The following NECAP2 variants were observed in gnomAD, a reference collection of about 807,000 sequenced individuals.
NECAP2 encodes the protein adaptin ear-binding coat-associated protein 2.
NECAP2 carries 38 observed loss-of-function variants against 37.8 expected under a neutral mutation model. The ratio of observed to expected loss-of-function variants is 1.01; its 90% CI spans 0.78 to 1.32. The LOEUF is 1.32. NECAP2 is among the 40% of genes most tolerant of loss of function. The pLI is 0.00. For missense variants in NECAP2, 316 were observed against 334.5 expected (o/e 0.94, Z 0.43); for synonymous variants, 121 against 127.7 (o/e 0.95, Z 0.35).
chr1:16,458,816 C>A, intron 7 of NECAP2, 26 bp from the exon 8 acceptor site: 1 of 1,612,526 alleles, frequency 6.2e-7, no homozygotes, highest in African/African-American at 1.3e-5. Flanking sequence ...TGAACTCCCC[C>A]ACCCTTCCCT....
At chr1:16,448,227 TTG>T in intron 4 of NECAP2, 86 bp downstream of exon 4, 1 of 1,307,682 alleles carries the variant, frequency 7.6e-7, no homozygotes, top group Non-Finnish European at 1.1e-6. Flanking sequence ...ACCCAAGTGT[TTG>T]TGTGTGATTT....
rs2086980486 is a variant in NECAP2 at position 16,459,447 on chromosome 1, T to C, written c.*557T>C. The C allele has an allele frequency of 6.5e-6, 1 of 152,790 alleles. No homozygotes were observed. The highest frequency in any genetic ancestry group is 1.5e-5 in the Non-Finnish European group (1 of 68,484). The allele number at this position is 152,790 out of a possible 1,614,324, so 9.5% of individuals were successfully genotyped here. ...TGGAAGGATTAGCAGCTTTTAAAAA[T>C]GTTTAAATATTTTGCTTTGCTAATG... On this transcript the variant is annotated 3_prime_UTR_variant, in exon 8 of 8. Coordinates refer to ENST00000337132, the MANE Select transcript of NECAP2 (RefSeq NM_018090.5).
chr1:16,449,738 G>A (rs528569569), intron 5 of NECAP2: 106 of 174,638 alleles, frequency 6.1e-4, no homozygotes, highest in Non-Finnish European at 1.1e-3. Context: ...GCAGGAGGGC[G>A]TTGAGGTGGG....
At chr1:16,448,513 A>G (rs540594450) in intron 4 of NECAP2, among the ~76,000 whole-genome samples, 1 of 152,278 alleles carries the variant, frequency 6.6e-6, no homozygotes, top group Non-Finnish European at 1.5e-5. Flanking sequence ...TCTGAAGCTA[A>G]GAGACAGGGC....
At chr1:16,456,820 T>G (rs1211360813) in intron 7 of NECAP2, among the ~76,000 whole-genome samples, 1 of 152,146 alleles carries the variant, frequency 6.6e-6, no homozygotes. Context: ...TGCAACCACA[T>G]TCTCCCATGT....
chr1:16,444,985 G>T (rs2086739293), intron 2 of NECAP2, among the ~76,000 whole-genome samples: 1 of 152,096 alleles, frequency 6.6e-6, no homozygotes, highest in Non-Finnish European at 1.5e-5. Flanking sequence ...ACCACGCCCA[G>T]CTAATTTTTT....
chr1:16,449,241 T>C (rs1236870223), intron 5 of NECAP2, 40 bp downstream of exon 5: 1 of 1,413,852 alleles, frequency 7.1e-7, no homozygotes, highest in Non-Finnish European at 9.9e-7. Flanking sequence ...ACGTGATACT[T>C]GTGGCCACCC....
chr1:16,441,073 T>G, intron 1 of NECAP2: 1 of 568,462 alleles, frequency 1.8e-6, no homozygotes, highest in Non-Finnish European at 3.2e-6. Flanking sequence ...GGGAGGGCGT[T>G]AAAGCCGTAT....
intron 7 of NECAP2, among the ~76,000 whole-genome samples, chr1:16,457,062 G>A (rs896016459): frequency 2.0e-5 from 3 of 152,184 alleles, no homozygotes; most frequent in East Asian, 1.9e-4. Context: ...TGTGGTCTTC[G>A]TTCTAGCTAC....
At chr1:16,442,995 C>G (rs376912720) in intron 1 of NECAP2, among the ~76,000 whole-genome samples, 1 of 152,234 alleles carries the variant, frequency 6.6e-6, no homozygotes, top group Non-Finnish European at 1.5e-5. Flanking sequence ...GACCCATTCA[C>G]TTTTCTCACA....
At chr1:16,458,366 C>T (rs12407366) in intron 7 of NECAP2, among the ~76,000 whole-genome samples, 28,473 of 151,884 alleles carry the variant, frequency 0.19, 3,225 homozygotes, top group South Asian at 0.34. Flanking sequence ...CTTTGGGAGG[C>T]CAAAGCAGGC....
intron 4 of NECAP2, 107 bp from the exon 5 acceptor site, chr1:16,448,986 T>G: frequency 2.8e-6 from 2 of 709,908 alleles, no homozygotes; most frequent in East Asian, 5.5e-5. Flanking sequence ...CCCGTCTCAC[T>G]ACGAGGCTCA....
At chr1:16,449,622 G>A (rs1192017082) in intron 5 of NECAP2, 1 of 181,450 alleles carries the variant, frequency 5.5e-6, no homozygotes, top group East Asian at 1.6e-4. Context: ...TCAGTCATTT[G>A]CTGCCAGAGG....
chr1:16,455,292 C>T (rs2086900711), intron 6 of NECAP2, among the ~76,000 whole-genome samples: 1 of 152,178 alleles, frequency 6.6e-6, no homozygotes, highest in Admixed American at 6.5e-5. Context: ...TGTGTGAGCT[C>T]TTTGGAATGC....
At chr1:16,457,842 TG>T in intron 7 of NECAP2, among the ~76,000 whole-genome samples, 1 of 151,682 alleles carries the variant, frequency 6.6e-6, no homozygotes, top group South Asian at 2.1e-4. Context: ...CCTGAGTAGC[TG>T]GGACTACAGG....
chr1:16,455,208 C>CA (rs1412555910), intron 6 of NECAP2, among the ~76,000 whole-genome samples: 1 of 152,194 alleles, frequency 6.6e-6, no homozygotes, highest in East Asian at 1.9e-4. Flanking sequence ...GGGGGAGGTG[C>CA]CTGAAAAGCA....
intron 5 of NECAP2, chr1:16,449,883 C>T: frequency 2.1e-5 from 5 of 236,082 alleles, no homozygotes; most frequent in Admixed American, 5.4e-5. Flanking sequence ...CTGGGCTGGG[C>T]TGGGTTGCCT....
In NECAP2 at chr1:16,455,793, G is replaced by C. The variant is rs778005461; in HGVS notation, c.668-25G>C. On this transcript the variant is annotated intron_variant, in intron 6 of 7. Transcript: ENST00000337132. Reference sequence around the variant, plus strand: ...TCTCTGTCCCCTCTTCTCTTCCTACGGGTCGGACTCGGGAACATCAATAGG... The same window carrying C: ...TCTCTGTCCCCTCTTCTCTTCCTACCGGTCGGACTCGGGAACATCAATAGG... 2.5e-6 allele frequency: 4 copies of C among 1,600,438 alleles called. No individual in the cohort carries two copies. The East Asian group carries it at 6.7e-5, about 27-fold the overall frequency.
chr1:16,455,199 G>C (rs1010714799), intron 6 of NECAP2, among the ~76,000 whole-genome samples: 1 of 152,232 alleles, frequency 6.6e-6, no homozygotes, highest in Admixed American at 6.5e-5. Flanking sequence ...GGCAGCACTG[G>C]GGGAGGTGCC....
Sources: allele counts gnomAD v4.1 joint callset (sites outside exome capture counted in the v4.1 genomes callset), GRCh38; gene constraint gnomAD v4.1.1; transcripts MANE v1.5; gene names NCBI Gene and HGNC (gene_info 2026-07-23, HGNC 2026-07-21).